Variants in KIF26B observed in about 807,000 individuals in gnomAD.
KIF26B encodes kinesin family member 26B, also known as kinesin-like protein KIF26B.
Under a neutral mutation model 151.2 loss-of-function variants are expected in KIF26B, and 63 were observed. The observed-to-expected ratio is 0.42, with a 90% CI of 0.34 to 0.51. KIF26B has a LOEUF of 0.51. Ranked by LOEUF, KIF26B falls within the 20% of genes least tolerant of loss-of-function variation. KIF26B has a pLI of 0.07. For missense variants in KIF26B, 2,813 were observed against 2,913.6 expected (o/e 0.97, Z 0.79); for synonymous variants, 1,357 against 1,262.1 (o/e 1.08, Z -1.59).
intron 14 of KIF26B, among the ~76,000 whole-genome samples, chr1:245,701,765 C>T (rs757103543): frequency 2.6e-5 from 4 of 152,320 alleles, no homozygotes; most frequent in South Asian, 2.1e-4. Context: ...GAGCTTGTCT[C>T]GTGCCTGGGG....
rs147481302 is a variant in KIF26B, at chr1:245,526,415, GC to G, written c.1167-14349del. Reference sequence around the variant, plus strand: ...CAGCAGAGTCAAGGGCAGAAATTCTGCCCGACTTCTGTGTCTGGTACCTATT... The same window carrying G: ...CAGCAGAGTCAAGGGCAGAAATTCTGCCGACTTCTGTGTCTGGTACCTATT... On this transcript the variant is annotated intron_variant, in intron 4 of 14. Coordinates refer to ENST00000407071, the MANE Select transcript of KIF26B (RefSeq NM_018012.4). Among the ~76,000 whole-genome samples, 1,245 of 152,334 alleles carry G rather than the reference GC, an allele frequency of 8.2e-3. 15 individuals are homozygous for G. The highest frequency in any genetic ancestry group is 0.024 in the African/African-American group (1,003 of 41,566).
intron 9 of KIF26B, among the ~76,000 whole-genome samples, chr1:245,614,448 C>T (rs2043562792): frequency 6.6e-6 from 1 of 152,248 alleles, no homozygotes; most frequent in Non-Finnish European, 1.5e-5. Flanking sequence ...GTTGGGATTA[C>T]AGGCGTGAGC....
intron 14 of KIF26B, 142 bp downstream of exon 14, chr1:245,699,179 C>G: frequency 2.3e-6 from 2 of 872,408 alleles, no homozygotes; most frequent in Non-Finnish European, 3.5e-6. Flanking sequence ...GGAAGTTGCA[C>G]CGAGCGAGCA....
intron 2 of KIF26B, among the ~76,000 whole-genome samples, chr1:245,257,572 C>A (rs1670559353): frequency 6.6e-6 from 1 of 152,196 alleles, no homozygotes; most frequent in Non-Finnish European, 1.5e-5. Context: ...ACGAGTTACT[C>A]TTCAGGGCCC....
chr1:245,437,223 T>C (rs1264687834), intron 4 of KIF26B, among the ~76,000 whole-genome samples: 2 of 152,128 alleles, frequency 1.3e-5, no homozygotes, highest in East Asian at 3.8e-4. Flanking sequence ...GCTACTGAGG[T>C]GTTGCACCTG....
intron 2 of KIF26B, among the ~76,000 whole-genome samples, chr1:245,183,434 T>G (rs1015152914): frequency 9.2e-5 from 14 of 152,242 alleles, no homozygotes; most frequent in African/African-American, 3.4e-4. Context: ...GTTCCAACAC[T>G]TAGGTCTATG....
chr1:245,464,132 G>A (rs903514827), intron 4 of KIF26B, among the ~76,000 whole-genome samples: 12 of 152,156 alleles, frequency 7.9e-5, no homozygotes, highest in Admixed American at 5.9e-4. Flanking sequence ...AACACTATGA[G>A]ATAAACATCA....
intron 10 of KIF26B, among the ~76,000 whole-genome samples, chr1:245,662,394 T>TACAC (rs142122330): frequency 6.9e-6 from 1 of 144,608 alleles, no homozygotes; most frequent in Non-Finnish European, 1.5e-5. Context: ...CATATATATA[T>TACAC]ACACACACAT....
chr1:245,660,267 G>GC (rs1558256115), intron 10 of KIF26B, among the ~76,000 whole-genome samples: 11 of 62,166 alleles, frequency 1.8e-4, no homozygotes, highest in Admixed American at 3.5e-4. Context: ...CGCTGGTGTC[G>GC]TGAGGATCTA....
chr1:245,250,050 CATG>C (rs1670413591), intron 2 of KIF26B, among the ~76,000 whole-genome samples: 1 of 152,108 alleles, frequency 6.6e-6, no homozygotes, highest in African/African-American at 2.4e-5. Context: ...AATAATATAA[CATG>C]ATCCGTGTAG....
At chr1:245,259,098 A>T (rs1160146483) in intron 2 of KIF26B, among the ~76,000 whole-genome samples, 1 of 152,120 alleles carries the variant, frequency 6.6e-6, no homozygotes, top group Non-Finnish European at 1.5e-5. Flanking sequence ...TGGGTATGGG[A>T]AGTTACATGG....
At position 245,159,365 on chromosome 1, in the gene KIF26B, G is replaced by C. The variant is rs147596805; in HGVS notation, c.465+2682G>C. Among the ~76,000 whole-genome samples, 246 of 152,256 alleles carry C rather than the reference G, an allele frequency of 1.6e-3. 1 individual carries two copies. Among genetic ancestry groups the C allele is most frequent in the African/African-American group, 5.8e-3 (240 of 41,552 alleles). ...ATATTTTAGGATGGATTTGGTTTTG[G>C]TTCTTCTTCACCACTGATTTACTTT... On this transcript the variant is annotated intron_variant, in intron 2 of 14. Transcript: ENST00000407071.
intron 5 of KIF26B, among the ~76,000 whole-genome samples, chr1:245,562,631 C>T (rs1363149730): frequency 6.7e-6 from 1 of 150,150 alleles, no homozygotes; most frequent in Non-Finnish European, 1.5e-5. Context: ...TGGCCAACTC[C>T]TCAATCTTGG....
At chr1:245,548,478 A>G (rs1454338587) in intron 5 of KIF26B, among the ~76,000 whole-genome samples, 1 of 152,154 alleles carries the variant, frequency 6.6e-6, no homozygotes, top group Non-Finnish European at 1.5e-5. Flanking sequence ...TACATCAGGA[A>G]GAAGGTGACG....
chr1:245,508,646 T>C (rs1221938414), intron 4 of KIF26B, among the ~76,000 whole-genome samples: 1 of 152,182 alleles, frequency 6.6e-6, no homozygotes. Flanking sequence ...TTTTCATACA[T>C]TGGGGCTAAA....
rs1369990077 is a variant in KIF26B at position 245,218,717 on chromosome 1, A to G, written c.465+62034A>G. ...TGCGCTCTAGCTCAGAATTTTAATAAGCAAATATACATGGTACCTTGCCGT... is the reference window on the plus strand; with the variant it reads ...TGCGCTCTAGCTCAGAATTTTAATAGGCAAATATACATGGTACCTTGCCGT... On this transcript the variant is annotated intron_variant, in intron 2 of 14. Coordinates refer to ENST00000407071, the MANE Select transcript of KIF26B (RefSeq NM_018012.4). This position sits in a 1 kb window ranked among gnomAD's most constrained non-coding sequence, Gnocchi z 4.1. Among the ~76,000 whole-genome samples the G allele has an allele frequency of 6.6e-6, 1 of 152,212 alleles. No individual in the cohort carries two copies. The highest frequency in any genetic ancestry group is 1.5e-5 in the Non-Finnish European group (1 of 68,040).
chr1:245,431,188 C>T (rs1458209090), intron 4 of KIF26B, among the ~76,000 whole-genome samples: 1 of 151,804 alleles, frequency 6.6e-6, no homozygotes, highest in African/African-American at 2.4e-5. Flanking sequence ...AACAACTACT[C>T]TTTTTTTTGA....
intron 4 of KIF26B, among the ~76,000 whole-genome samples, chr1:245,525,245 G>A (rs1258789014): frequency 2.0e-5 from 3 of 152,252 alleles, no homozygotes; most frequent in Non-Finnish European, 2.9e-5. Context: ...TTGAAAGTAA[G>A]TTATTTCTGT....
chr1:245,480,817 G>A (rs953380701), intron 4 of KIF26B, among the ~76,000 whole-genome samples: 10 of 150,132 alleles, frequency 6.7e-5, no homozygotes, highest in African/African-American at 2.4e-4. Context: ...AATGTTTAAA[G>A]TTTGGATAGA....
Sources: allele counts gnomAD v4.1 joint callset (sites outside exome capture counted in the v4.1 genomes callset), GRCh38; gene constraint gnomAD v4.1.1; non-coding constraint Gnocchi (gnomAD v3.1); transcripts MANE v1.5; gene names NCBI Gene and HGNC (gene_info 2026-07-23, HGNC 2026-07-21).